The following STK31 variants were observed in gnomAD, a reference collection of about 807,000 sequenced individuals.
The protein encoded by STK31 is serine/threonine-protein kinase 31.
In STK31, 89 loss-of-function variants were observed where a neutral mutation model predicts 129.7. That is an observed-to-expected ratio of 0.69 (90% CI 0.58 to 0.82). The LOEUF (loss-of-function observed/expected upper bound fraction) is 0.82. STK31 is among the 40% of genes least tolerant of loss of function. The pLI, the probability that STK31 is intolerant of heterozygous loss-of-function variation, is 0.00. For missense variants in STK31, 1,187 were observed against 1,176.4 expected (o/e 1.01, Z -0.13); for synonymous variants, 448 against 395.3 (o/e 1.13, Z -1.58).
At chr7:23,783,500 C>G in intron 16 of STK31, 83 bp from the exon 17 acceptor site, 1 of 948,918 alleles carries the variant, frequency 1.1e-6, no homozygotes, top group Non-Finnish European at 1.6e-6. Context: ...AAGGTAGATG[C>G]TGATATATTT....
At chr7:23,798,233 C>T (rs1792123400) in intron 22 of STK31, among the ~76,000 whole-genome samples, 1 of 152,122 alleles carries the variant, frequency 6.6e-6, no homozygotes. Context: ...AGAGGGAATC[C>T]TCCCTAACTC....
At chr7:23,716,142 T>G (rs1337655739) in intron 3 of STK31, among the ~76,000 whole-genome samples, 1 of 152,220 alleles carries the variant, frequency 6.6e-6, no homozygotes, top group African/African-American at 2.4e-5. Context: ...ATCCTTGGTT[T>G]CCTTTAACCT....
At chr7:23,762,179 G>A (rs1789515018) in intron 10 of STK31, among the ~76,000 whole-genome samples, 1 of 151,660 alleles carries the variant, frequency 6.6e-6, no homozygotes, top group African/African-American at 2.4e-5. Context: ...CTGCTGTGCT[G>A]CACCCATTAA....
At chr7:23,745,359 G>C (rs1788286197) in intron 8 of STK31, among the ~76,000 whole-genome samples, 1 of 152,184 alleles carries the variant, frequency 6.6e-6, no homozygotes, top group South Asian at 2.1e-4. Context: ...ATGATGCCCA[G>C]GTTTCCAGTG....
intron 8 of STK31, among the ~76,000 whole-genome samples, chr7:23,750,840 A>G (rs1788667376): frequency 6.6e-6 from 1 of 152,182 alleles, no homozygotes; most frequent in South Asian, 2.1e-4. Flanking sequence ...GGTATTTAGG[A>G]TATCGATCAC....
chr7:23,727,626 G>T (rs1443297877), intron 5 of STK31: 1 of 228,456 alleles, frequency 4.4e-6, no homozygotes, highest in Non-Finnish European at 7.7e-6. Flanking sequence ...GCAGTGGTAC[G>T]ATCTTGGCTC....
At chr7:23,721,009 C>T (rs1316751724) in intron 4 of STK31, among the ~76,000 whole-genome samples, 1 of 152,104 alleles carries the variant, frequency 6.6e-6, no homozygotes, top group Non-Finnish European at 1.5e-5. Context: ...TAACCCTTAC[C>T]ACTACAAATC....
chr7:23,762,910 TA>T lies in STK31; in HGVS notation c.1408del (p.Thr470HisfsTer9). The stretch of plus-strand genomic sequence containing the variant: ...GATGAGTCATCTCTTAATAAACGCT[TA>T]AAAACATTGCAGGTTGGAATTAAAA... ...EVDESSLNKR[L>X]KTLQDLSVSL... On this transcript the variant is annotated frameshift_variant, in exon 11 of 24. Transcript: ENST00000355870. LOFTEE classifies it high-confidence loss of function. 6.3e-7 allele frequency: 1 copy of T among 1,577,870 alleles called. No individual in the cohort carries two copies.
At position 23,786,600 on chromosome 7, in the gene STK31, G is replaced by C; in HGVS notation, c.2367G>C (p.Gly789=). Residue 789 remains glycine (G), a synonymous_variant, in exon 19 of 24, where the codon GGG becomes GGC. Coordinates refer to ENST00000355870, the MANE Select transcript of STK31 (RefSeq NM_031414.5). ...GGAGAGAAGCTGAAGGAGACTCAGG[G>C]TTACTGCCATTGATATTCCTGTTTT... is the stretch of plus-strand genomic sequence containing the variant. The part of the protein sequence containing the change: ...RAWREAEGDS[G]LLPLIFLFLC... 6.2e-7 allele frequency: 1 copy of C among 1,613,626 alleles called. No individual in the cohort carries two copies. The highest frequency in any genetic ancestry group is 8.5e-7 in the Non-Finnish European group (1 of 1,179,802).
chr7:23,740,166 TTC>T (rs1491503906), intron 8 of STK31, among the ~76,000 whole-genome samples: 1 of 152,304 alleles, frequency 6.6e-6, no homozygotes. Context: ...GGTCTCAAAC[TTC>T]TGGGCTCAAG....
chr7:23,831,608 A>G (rs1001194630), intron 23 of STK31, among the ~76,000 whole-genome samples: 1 of 152,142 alleles, frequency 6.6e-6, no homozygotes, highest in Non-Finnish European at 1.5e-5. Context: ...AATTTCTGTC[A>G]TTGTATTAAT....
At chr7:23,743,499 C>T (rs1042469011) in intron 8 of STK31, among the ~76,000 whole-genome samples, 2 of 152,198 alleles carry the variant, frequency 1.3e-5, no homozygotes, top group Non-Finnish European at 2.9e-5. Flanking sequence ...GAGAAATTTA[C>T]AGTTAATCTG....
rs752522708 is a variant in STK31 at position 23,736,936 on chromosome 7, G to T, written c.875G>T (p.Gly292Val). Residue 292 changes from glycine to valine, a missense_variant, in exon 8 of 24, where the codon GGG (glycine) becomes GTG (valine). Transcript: ENST00000355870. ...ESLAVGDFNL[G>V]SNVSLEKIKQ... ...TTGGCTGTTGGTGACTTTAATTTAGGGTCTAACGTCAGCCTGGAAAAAATT... is the reference window on the plus strand; with the variant it reads ...TTGGCTGTTGGTGACTTTAATTTAGTGTCTAACGTCAGCCTGGAAAAAATT... 15 of 1,609,060 alleles carry T rather than the reference G, an allele frequency of 9.3e-6. No homozygotes were observed. Among genetic ancestry groups the T allele is most frequent in the Non-Finnish European group, 1.1e-5 (13 of 1,178,290 alleles).
chr7:23,779,400 G>A (rs117012150), intron 15 of STK31, among the ~76,000 whole-genome samples: 4,249 of 152,288 alleles, frequency 0.028, 65 homozygotes, highest in Middle Eastern at 0.058. Flanking sequence ...TTCAGAGCTG[G>A]CAGGCAGAAA....
chr7:23,727,164 T>G, intron 4 of STK31, 77 bp from the exon 5 acceptor site: 1 of 1,200,498 alleles, frequency 8.3e-7, no homozygotes, highest in Non-Finnish European at 1.2e-6. Context: ...TAGGAAGAGC[T>G]TAAATGCTAA....
At chr7:23,816,428 G>T (rs879888290) in intron 23 of STK31, among the ~76,000 whole-genome samples, 1 of 152,264 alleles carries the variant, frequency 6.6e-6, no homozygotes, top group South Asian at 2.1e-4. Flanking sequence ...TTACAGTTTC[G>T]TGAGTCAGGA....
At chr7:23,770,973 G>A (rs1259820124) in intron 13 of STK31, 32 bp from the exon 14 acceptor site, 4 of 1,589,558 alleles carry the variant, frequency 2.5e-6, no homozygotes, top group Non-Finnish European at 2.6e-6. Flanking sequence ...ATATTCCTTT[G>A]TGTATAATTC....
At chr7:23,793,459 C>T (rs1791760351) in intron 22 of STK31, among the ~76,000 whole-genome samples, 2 of 152,204 alleles carry the variant, frequency 1.3e-5, no homozygotes, top group African/African-American at 4.8e-5. Flanking sequence ...AGGCAAGCTA[C>T]AGACTAGGAG....
intron 8 of STK31, among the ~76,000 whole-genome samples, chr7:23,748,061 T>C (rs1788467176): frequency 6.6e-6 from 1 of 152,258 alleles, no homozygotes; most frequent in Non-Finnish European, 1.5e-5. Context: ...TATTAGTTTC[T>C]TTTCACTTCT....
Sources: gnomAD v4.1 joint callset for allele counts (sites outside exome capture counted in the v4.1 genomes callset) on GRCh38, gnomAD v4.1.1 for gene constraint, MANE v1.5 for transcripts, NCBI Gene and HGNC (gene_info 2026-07-23, HGNC 2026-07-21) for gene names.